Variants in TTLL9 observed in about 807,000 individuals in gnomAD.
TTLL9 encodes tubulin tyrosine ligase like 9, also known as probable tubulin polyglutamylase TTLL9.
A neutral mutation model predicts 65.6 loss-of-function variants in TTLL9; 47 were observed. That is an observed-to-expected ratio of 0.72 (90% CI 0.57 to 0.91). The LOEUF (loss-of-function observed/expected upper bound fraction) is 0.91, where lower values mean the gene tolerates loss of function less well. Among genes scored for constraint, TTLL9 ranks in the 40% least tolerant of loss-of-function variants. The pLI, the probability that TTLL9 is intolerant of heterozygous loss-of-function variation, is 0.00. For missense variants in TTLL9, 537 were observed against 568.8 expected, an observed-to-expected ratio of 0.94 and a Z score of 0.57; for synonymous variants, 179 against 204.8, an observed-to-expected ratio of 0.87 and a Z score of 1.07.
chr20:31,889,445 T>C (rs1325119138), intron 3 of TTLL9, among the ~76,000 whole-genome samples: 2 of 150,946 alleles, frequency 1.3e-5, no homozygotes, highest in East Asian at 3.9e-4. Context: ...TTTTTTTTTT[T>C]AGACTCTTGC....
intron 2 of TTLL9, chr20:31,879,929 C>G: frequency 6.5e-7 from 1 of 1,533,884 alleles, no homozygotes; most frequent in Non-Finnish European, 8.8e-7. Context: ...ATGCTTTTAT[C>G]GTCCCTAGAA....
chr20:31,922,980 C>G lies in TTLL9; in HGVS notation c.591C>G (p.Asp197Glu). Residue 197 changes from aspartate (D) to glutamate (E), a missense_variant, in exon 8 of 15, where the codon GAC (aspartate) becomes GAG (glutamate). Around this residue, in one of 3 missense-constraint regions of TTLL9, gnomAD observed 320 missense variants for 311.0 expected, o/e 1.03. Coordinates refer to ENST00000535842, the MANE Select transcript of TTLL9 (RefSeq NM_001008409.5). ...ACAACTAGGACACAAGAAGCTCTGA[C>G]GACCAGAAAGATGATATTCCCGTGG... is the stretch of plus-strand genomic sequence containing the variant. ...VDWRKDTRSSDDQKDDIPVEN... is the reference protein window; with the variant it reads ...VDWRKDTRSSEDQKDDIPVEN... The G allele has an allele frequency of 3.1e-6, 5 of 1,613,716 alleles. No individual in the cohort carries two copies. The highest frequency in any genetic ancestry group is 3.4e-6 in the Non-Finnish European group (4 of 1,179,676).
intron 2 of TTLL9, among the ~76,000 whole-genome samples, chr20:31,877,201 T>C (rs1444448670): frequency 6.6e-6 from 1 of 152,204 alleles, no homozygotes; most frequent in Non-Finnish European, 1.5e-5. Context: ...TGCAGTGGCA[T>C]GATCTCGGCT....
At position 31,890,344 on chromosome 20, in the gene TTLL9, G is replaced by A. The variant is rs372481759; in HGVS notation, c.113+3105G>A. Among the ~76,000 whole-genome samples, 5 of 151,828 alleles carry A rather than the reference G, an allele frequency of 3.3e-5. No individual in the cohort carries two copies. In the East Asian group the frequency reaches 5.8e-4, roughly 18 times the overall value. On this transcript the variant is annotated intron_variant, in intron 3 of 14. Coordinates refer to ENST00000535842, the MANE Select transcript of TTLL9 (RefSeq NM_001008409.5). ...TAGGAATACAAGTTATGTAAGTGTT[G>A]TTGTACTGTTATTACTATTCTGCAC...
intron 14 of TTLL9, among the ~76,000 whole-genome samples, chr20:31,942,481 G>A (rs1025374816): frequency 6.6e-6 from 1 of 152,224 alleles, no homozygotes; most frequent in Admixed American, 6.5e-5. Flanking sequence ...CAGGCACTGT[G>A]CTAGCTTTAA....
At chr20:31,882,819 A>G (rs192517202) in intron 2 of TTLL9, among the ~76,000 whole-genome samples, 294 of 152,360 alleles carry the variant, frequency 1.9e-3, no homozygotes, top group African/African-American at 6.9e-3. Flanking sequence ...AAAATGTAAC[A>G]AACATCCTTT....
In TTLL9 at chr20:31,909,786, A is replaced by T; in HGVS notation, c.368A>T (p.Gln123Leu). 6.2e-7 allele frequency: 1 copy of T among 1,614,228 alleles called. No individual in the cohort carries two copies. Among genetic ancestry groups the T allele is most frequent in the South Asian group, 1.1e-5 (1 of 91,082 alleles). Residue 123 changes from glutamine (Q) to leucine (L), a missense_variant, in exon 6 of 15, where the codon CAG (glutamine) becomes CTG (leucine). Physicochemically the swap from Gln to Leu is moderately radical, Grantham distance 113. Transcript: ENST00000535842. The stretch of plus-strand genomic sequence containing the variant: ...AAGAACCTGAAGCGGTTCCGGAAGC[A>T]GCTGGAGCGTGAGGCAGGAAAGCTG... ...MVKNLKRFRK[Q>L]LEREAGKLEA...
rs1187127912 is a variant in TTLL9 at position 31,944,001 on chromosome 20, C to A, written c.*980C>A. On this transcript the variant is annotated 3_prime_UTR_variant, in exon 15 of 15. Coordinates refer to ENST00000535842, the MANE Select transcript of TTLL9 (RefSeq NM_001008409.5). ...TGCTTCAGAGTAGTTTCTCTGGCTG[C>A]AAATGGTTGAATCTGCCTGCCTAGG... 1 of 349,254 alleles carries A rather than the reference C, an allele frequency of 2.9e-6. No homozygotes were observed. The highest frequency in any genetic ancestry group is 2.1e-5 in the African/African-American group (1 of 46,878). The allele number at this position is 349,254 out of a possible 1,614,324, so 21.6% of individuals were successfully genotyped here.
intron 10 of TTLL9, among the ~76,000 whole-genome samples, chr20:31,929,800 A>T (rs2063973682): frequency 6.6e-6 from 1 of 152,198 alleles, no homozygotes; most frequent in South Asian, 2.1e-4. Context: ...AGTCAAGCCC[A>T]TCTGGCCAGA....
At chr20:31,912,603 ATGTGTGTGTGTGTGTGTGTGTGTG>A (rs61107814) in intron 6 of TTLL9, among the ~76,000 whole-genome samples, 4 of 141,008 alleles carry the variant, frequency 2.8e-5, no homozygotes, top group African/African-American at 1.0e-4. Flanking sequence ...GTGTATGTGT[ATGTGTGTGTGTGTGTGTGTGTGTG>A]TGTGTGTGTG....
chr20:31,912,078 AG>A (rs748151452), intron 6 of TTLL9, among the ~76,000 whole-genome samples: 1 of 152,236 alleles, frequency 6.6e-6, no homozygotes, highest in Non-Finnish European at 1.5e-5. Flanking sequence ...TCTACCTTAC[AG>A]GGTTGTGAGA....
At chr20:31,881,602 C>CTT (rs5841092) in intron 2 of TTLL9, among the ~76,000 whole-genome samples, 11,519 of 125,166 alleles carry the variant, frequency 0.092, 911 homozygotes, top group African/African-American at 0.16. Context: ...ACACATATAA[C>CTT]TTTTTTTTTT....
At chr20:31,878,727 C>T (rs770448296) in intron 2 of TTLL9, among the ~76,000 whole-genome samples, 8 of 152,198 alleles carry the variant, frequency 5.3e-5, no homozygotes, top group Non-Finnish European at 1.0e-4. Flanking sequence ...AATTCCATTT[C>T]TATTTCAGTT....
intron 10 of TTLL9, among the ~76,000 whole-genome samples, chr20:31,927,461 AC>A (rs1472536812): frequency 6.8e-6 from 1 of 147,290 alleles, no homozygotes; most frequent in Non-Finnish European, 1.5e-5. Context: ...AGCCTGGGTG[AC>A]AAAATAAGAC....
intron 5 of TTLL9, 92 bp from the exon 6 acceptor site, chr20:31,909,645 A>G: frequency 8.4e-7 from 1 of 1,197,282 alleles, no homozygotes; most frequent in Non-Finnish European, 1.2e-6. Context: ...CAGAGCATGG[A>G]GGCTGCAGGG....
rs2123674304 is a variant in TTLL9 at position 31,944,959 on chromosome 20, A to C, written c.*1938A>C. The C allele has an allele frequency of 6.6e-6, 1 of 152,346 alleles. No homozygotes were observed. Among genetic ancestry groups the C allele is most frequent in the African/African-American group, 2.4e-5 (1 of 41,576 alleles). The allele number at this position is 152,346 out of a possible 1,614,324, so 9.4% of individuals were successfully genotyped here. On this transcript the variant is annotated 3_prime_UTR_variant, in exon 15 of 15. Coordinates refer to ENST00000535842, the MANE Select transcript of TTLL9 (RefSeq NM_001008409.5). The stretch of plus-strand genomic sequence containing the variant: ...AGGCAAATAAAGACTAGTTGCTGCT[A>C]TTCATTCATTCAGCTAACATTTATT...
chr20:31,881,551 C>T (rs1287875358), intron 2 of TTLL9, among the ~76,000 whole-genome samples: 1 of 150,816 alleles, frequency 6.6e-6, no homozygotes, highest in African/African-American at 2.4e-5. Flanking sequence ...ACCAAACTCT[C>T]AAATTTTAAA....
chr20:31,925,094 G>A, intron 9 of TTLL9, 45 bp downstream of exon 9: 1 of 1,609,548 alleles, frequency 6.2e-7, no homozygotes, highest in South Asian at 1.1e-5. Context: ...GGGTTAAAGG[G>A]TGGCTGGGCT....
intron 3 of TTLL9, 95 bp downstream of exon 3, chr20:31,887,334 A>G (rs2063207507): frequency 2.2e-6 from 3 of 1,340,352 alleles, no homozygotes; most frequent in South Asian, 1.2e-5. Flanking sequence ...TACTTCAACA[A>G]TTATAATGAA....
Sources: allele counts gnomAD v4.1 joint callset (sites outside exome capture counted in the v4.1 genomes callset), GRCh38; gene constraint gnomAD v4.1.1; regional missense constraint gnomAD v4.1.1; transcripts MANE v1.5; gene names NCBI Gene and HGNC (gene_info 2026-07-23, HGNC 2026-07-21).